Variants in EFCC1 observed in about 807,000 individuals in gnomAD.
The protein encoded by EFCC1 is EF-hand and coiled-coil domain containing 1, also known as EF-hand and coiled-coil domain-containing protein 1.
In EFCC1, 50 loss-of-function variants were observed where a neutral mutation model predicts 52.1. That is an observed-to-expected ratio of 0.96 (90% CI 0.76 to 1.21). The LOEUF is 1.21. Ranked by LOEUF, EFCC1 falls within the 50% of genes most tolerant of loss-of-function variation. The pLI is 0.00. For synonymous variants in EFCC1, 399 were observed against 396.5 expected, an observed-to-expected ratio of 1.01 and a Z score of -0.08; for missense variants, 837 against 867.3, an observed-to-expected ratio of 0.97 and a Z score of 0.44.
At position 129,014,344 on chromosome 3, in the gene EFCC1, A is replaced by T. The variant is rs941484494; in HGVS notation, c.980+10267A>T. On this transcript the variant is annotated intron_variant, in intron 2 of 7. Transcript: ENST00000683648. This position sits in a 1 kb window ranked among gnomAD's most constrained non-coding sequence, Gnocchi z 4.3. ...CAGACCAGGAGCTTCAACAACAGGC[A>T]TTTGTCTCCCACAGCTGTGGAGGCT... Among the ~76,000 whole-genome samples, 2 of 152,222 alleles carry T rather than the reference A, an allele frequency of 1.3e-5. No homozygotes were observed. Among genetic ancestry groups the T allele is most frequent in the Non-Finnish European group, 2.9e-5 (2 of 68,038 alleles).
At chr3:129,032,513 T>TA (rs1168002288) in intron 3 of EFCC1, among the ~76,000 whole-genome samples, 106 of 141,072 alleles carry the variant, frequency 7.5e-4, no homozygotes, top group African/African-American at 1.5e-3. Context: ...ACCCTGTCTC[T>TA]AAAAAAAAAA....
intron 2 of EFCC1, among the ~76,000 whole-genome samples, chr3:129,012,980 C>G (rs1385901670): frequency 6.6e-6 from 1 of 152,186 alleles, no homozygotes; most frequent in African/African-American, 2.4e-5. Flanking sequence ...GAGAGAATCT[C>G]TTCTCACATA....
intron 2 of EFCC1, among the ~76,000 whole-genome samples, chr3:129,015,374 G>A (rs1458499579): frequency 6.6e-6 from 1 of 151,974 alleles, no homozygotes; most frequent in Non-Finnish European, 1.5e-5. Context: ...GGACTTTTCT[G>A]TCCTTCATGT....
At chr3:129,002,550 C>T in intron 1 of EFCC1, 1 of 865,604 alleles carries the variant, frequency 1.2e-6, no homozygotes, top group Non-Finnish European at 1.6e-6. Context: ...CCTGAAAACC[C>T]CAATCACACT....
At chr3:129,039,634 C>A in intron 7 of EFCC1, 78 bp from the exon 8 acceptor site, 1 of 1,509,902 alleles carries the variant, frequency 6.6e-7, no homozygotes, top group Non-Finnish European at 8.9e-7. Flanking sequence ...GGCTGGGTCT[C>A]AGGAAGGAGG....
chr3:129,013,542 T>C lies in EFCC1; in HGVS notation c.980+9465T>C, dbSNP rs116635393. Reference sequence around the variant, plus strand: ...TCTTCCCATAAGGTAGCAAGACAGCTACCATCATCATCAGGATTAGCTCCT... The same window carrying C: ...TCTTCCCATAAGGTAGCAAGACAGCCACCATCATCATCAGGATTAGCTCCT... On this transcript the variant is annotated intron_variant, in intron 2 of 7. Transcript: ENST00000683648. 9.7e-3 allele frequency among the ~76,000 whole-genome samples: 1,478 copies of C among 152,314 alleles called. 18 individuals carry two copies. Among genetic ancestry groups the C allele is most frequent in the African/African-American group, 0.034 (1,410 of 41,560 alleles).
chr3:129,031,481 C>T (rs972695505), intron 3 of EFCC1, among the ~76,000 whole-genome samples: 4 of 152,294 alleles, frequency 2.6e-5, no homozygotes, highest in Non-Finnish European at 4.4e-5. Flanking sequence ...AGGCCCACCC[C>T]GGATCTCTGC....
chr3:129,034,262 C>T lies in EFCC1; in HGVS notation c.1385C>T (p.Ala462Val). Reference protein sequence around the residue: ...HTLGELEACIAMLVEQLRTQG... With the variant: ...HTLGELEACIVMLVEQLRTQG... ...CTGGGGGAGCTGGAGGCCTGCATTGCCATGCTGGTGGAGCAGCTGAGGACT... is the reference window on the plus strand; with the variant it reads ...CTGGGGGAGCTGGAGGCCTGCATTGTCATGCTGGTGGAGCAGCTGAGGACT... The change falls in exon 5 of 8, where the codon GCC becomes GTC. Residue 462 changes from alanine (A) to valine (V), a missense_variant. Physicochemically the swap from Ala to Val is moderately conservative, Grantham distance 64. Coordinates refer to ENST00000683648, the MANE Select transcript of EFCC1 (RefSeq NM_001377500.1). The T allele has an allele frequency of 6.2e-7, 1 of 1,614,146 alleles. No individual in the cohort carries two copies.
rs1033432756 is a variant in EFCC1, at chr3:129,010,741, G to A, written c.980+6664G>A. Among the ~76,000 whole-genome samples, 4 of 152,192 alleles carry A rather than the reference G, an allele frequency of 2.6e-5. No homozygotes were observed. The highest frequency in any genetic ancestry group is 2.1e-4 in the South Asian group (1 of 4,824). On this transcript the variant is annotated intron_variant, in intron 2 of 7. Coordinates refer to ENST00000683648, the MANE Select transcript of EFCC1 (RefSeq NM_001377500.1). This position sits in a 1 kb window ranked among gnomAD's most constrained non-coding sequence, Gnocchi z 4.3. ...GCACCATCTGGAGCTGGGAGGCCTC[G>A]GATTCCATCGTCCTTGGAGGTGGGT...
At position 129,010,581 on chromosome 3, in the gene EFCC1, A is replaced by C. The variant is rs573361183; in HGVS notation, c.980+6504A>C. ...GTGGAGGGGACACAAAGATGAGGCC[A>C]TCTGAGGGCTACCTCCTTTCTTCTG... On this transcript the variant is annotated intron_variant, in intron 2 of 7. Coordinates refer to ENST00000683648, the MANE Select transcript of EFCC1 (RefSeq NM_001377500.1). This position sits in a 1 kb window ranked among gnomAD's most constrained non-coding sequence, Gnocchi z 4.3. Among the ~76,000 whole-genome samples, 1 of 152,032 alleles carries C rather than the reference A, an allele frequency of 6.6e-6. No homozygotes were observed. The highest frequency in any genetic ancestry group is 2.0e-4 in the East Asian group (1 of 5,126).
At chr3:129,016,739 G>C (rs1945602756) in intron 2 of EFCC1, among the ~76,000 whole-genome samples, 1 of 152,092 alleles carries the variant, frequency 6.6e-6, no homozygotes, top group African/African-American at 2.4e-5. Flanking sequence ...GAGGCAGGAG[G>C]GGGCGGAACT....
chr3:129,018,655 C>T (rs1021160279), intron 2 of EFCC1, among the ~76,000 whole-genome samples: 1 of 152,208 alleles, frequency 6.6e-6, no homozygotes, highest in Non-Finnish European at 1.5e-5. Context: ...TGGGATTCCT[C>T]ATGTATTCTG....
chr3:129,020,407 T>G (rs973050296), intron 2 of EFCC1, among the ~76,000 whole-genome samples: 4 of 152,118 alleles, frequency 2.6e-5, no homozygotes, highest in Non-Finnish European at 5.9e-5. Flanking sequence ...GAGGCCGAGA[T>G]GGGTGAATCA....
chr3:129,030,911 C>A, intron 3 of EFCC1, 51 bp downstream of exon 3: 2 of 1,512,482 alleles, frequency 1.3e-6, no homozygotes, highest in Non-Finnish European at 8.9e-7. Context: ...GTCCCTCCGG[C>A]TGTGCTCAGC....
intron 1 of EFCC1, 34 bp from the exon 2 acceptor site, chr3:129,003,760 C>T: frequency 7.3e-7 from 1 of 1,368,806 alleles, no homozygotes; most frequent in Admixed American, 3.4e-5. Context: ...GGCTGGGGCA[C>T]TTACCCCCTG....
intron 7 of EFCC1, among the ~76,000 whole-genome samples, chr3:129,039,202 A>G (rs968236972): frequency 2.0e-5 from 3 of 152,122 alleles, no homozygotes; most frequent in African/African-American, 7.2e-5. Context: ...ATGGCCCTAG[A>G]AGGAATGAGT....
chr3:129,032,402 C>T (rs976913195), intron 3 of EFCC1, among the ~76,000 whole-genome samples: 3 of 151,904 alleles, frequency 2.0e-5, no homozygotes, highest in African/African-American at 7.3e-5. Flanking sequence ...AATCCCAACA[C>T]TTTGGGAGGC....
intron 2 of EFCC1, among the ~76,000 whole-genome samples, chr3:129,009,185 T>C (rs1269519164): frequency 6.6e-6 from 1 of 152,216 alleles, no homozygotes; most frequent in Non-Finnish European, 1.5e-5. Flanking sequence ...GTTTTCTCTC[T>C]CTTTTCTTCC....
chr3:129,026,690 CT>C (rs1421866163), intron 2 of EFCC1, among the ~76,000 whole-genome samples: 1 of 152,166 alleles, frequency 6.6e-6, no homozygotes, highest in Non-Finnish European at 1.5e-5. Flanking sequence ...ACCTTATTCC[CT>C]TGTGTCTTTT....
Sources: allele counts gnomAD v4.1 joint callset (sites outside exome capture counted in the v4.1 genomes callset), GRCh38; gene constraint gnomAD v4.1.1; non-coding constraint Gnocchi (gnomAD v3.1); transcripts MANE v1.5; gene names NCBI Gene and HGNC (gene_info 2026-07-23, HGNC 2026-07-21).